The following GABRA3 variants were observed in gnomAD, a reference collection of about 807,000 sequenced individuals.
The protein encoded by GABRA3 is gamma-aminobutyric acid type A receptor subunit alpha3.
GABRA3 carries 10 observed loss-of-function variants against 30.1 expected under a neutral mutation model. The ratio of observed to expected loss-of-function variants is 0.33; its 90% CI spans 0.20 to 0.56. The LOEUF (loss-of-function observed/expected upper bound fraction) is 0.56, where lower values mean the gene tolerates loss of function less well. Among genes scored for constraint, GABRA3 ranks in the 20% least tolerant of loss-of-function variants. The pLI, the probability that GABRA3 is intolerant of heterozygous loss-of-function variation, is 0.89. For synonymous variants in GABRA3, 151 were observed against 146.8 expected, an observed-to-expected ratio of 1.03 and a Z score of -0.21; for missense variants, 233 against 392.0, an observed-to-expected ratio of 0.59 and a Z score of 3.42.
At chrX:152,224,379 G>A (rs1443557524) in intron 6 of GABRA3, among the ~76,000 whole-genome samples, 1 of 111,621 alleles carries the variant, frequency 9.0e-6, no homozygotes, top group Non-Finnish European at 1.9e-5. Flanking sequence ...GGTAGAATAC[G>A]CACTTCAAAA....
intron 5 of GABRA3, among the ~76,000 whole-genome samples, chrX:152,237,469 G>T (rs1222851834): frequency 9.9e-6 from 1 of 100,853 alleles, no homozygotes; most frequent in African/African-American, 3.8e-5. Flanking sequence ...GGATTGACTT[G>T]GCAATGCGGG....
In GABRA3 at chrX:152,224,764, G is replaced by T; in HGVS notation, c.633C>A (p.Ser211Arg). The stretch of plus-strand genomic sequence containing the variant: ...GAGAGAGAGAGAGAAAATACATACA[G>T]CTTCCAAACTTCAGTGGGCAGGCAT... ...DVHACPLKFG[S>R]YAYTTAEVVY... The change falls in exon 6 of 10, where the codon AGC (serine) becomes AGA (arginine). Residue 211 changes from serine to arginine, a missense_variant and splice_region_variant. This residue lies in a region of GABRA3 where 42 missense variants were observed against 116.2 expected (regional missense o/e 0.36). Coordinates refer to ENST00000370314, the MANE Select transcript of GABRA3 (RefSeq NM_000808.4). 1 of 1,174,974 alleles carries T rather than the reference G, an allele frequency of 8.5e-7. No individual in the cohort carries two copies. Among genetic ancestry groups the T allele is most frequent in the Non-Finnish European group, 1.2e-6 (1 of 866,972 alleles).
intron 3 of GABRA3, among the ~76,000 whole-genome samples, chrX:152,302,926 T>C: frequency 8.9e-6 from 1 of 112,043 alleles, no homozygotes; most frequent in Non-Finnish European, 1.9e-5. Flanking sequence ...CTTTTATGAC[T>C]GTGTAGGATT....
intron 1 of GABRA3, chrX:152,392,102 T>C (rs1402271576): frequency 1.4e-5 from 4 of 290,346 alleles, no homozygotes; most frequent in African/African-American, 2.7e-5. Flanking sequence ...GCAGTGAGCA[T>C]TGTGCACATA....
chrX:152,345,569 A>G lies in GABRA3; in HGVS notation c.262+12T>C, dbSNP rs200115285. ...ATCTGAAAAGGACTTCAAAGATCTT[A>G]AAAGGACTGACCTCCAAGCCCAGGT... On this transcript the variant is annotated intron_variant, in intron 3 of 9. Coordinates refer to ENST00000370314, the MANE Select transcript of GABRA3 (RefSeq NM_000808.4). The G allele has an allele frequency of 5.9e-6, 7 of 1,195,673 alleles. No individual in the cohort carries two copies. The highest frequency in any genetic ancestry group is 7.9e-6 in the Non-Finnish European group (7 of 890,635).
rs776598228 is a variant in GABRA3 at position 152,357,351 on chromosome X, T to C, written c.140+7080A>G. Among the ~76,000 whole-genome samples, 5 of 111,984 alleles carry C rather than the reference T, an allele frequency of 4.5e-5. No individual in the cohort carries two copies. In the South Asian group the frequency reaches 1.9e-3, roughly 42 times the overall value. ...ATATGAGATGGTATCTCATTGTGGT[T>C]TTGATTTGCATTTCTCTAATGATCA... On this transcript the variant is annotated intron_variant, in intron 2 of 9. Coordinates refer to ENST00000370314, the MANE Select transcript of GABRA3 (RefSeq NM_000808.4).
At chrX:152,318,770 C>T (rs138548708) in intron 3 of GABRA3, among the ~76,000 whole-genome samples, 65 of 111,561 alleles carry the variant, frequency 5.8e-4, no homozygotes, top group African/African-American at 2.0e-3. Flanking sequence ...TTTATTTATG[C>T]GGGAAGAGCA....
intron 1 of GABRA3, among the ~76,000 whole-genome samples, chrX:152,401,915 C>A (rs1929805739): frequency 9.0e-6 from 1 of 111,677 alleles, no homozygotes; most frequent in Admixed American, 9.5e-5. Flanking sequence ...AGAGCAAAAA[C>A]CATGTAGTTC....
At chrX:152,294,604 A>G (rs145916297) in intron 3 of GABRA3, among the ~76,000 whole-genome samples, 128 of 110,871 alleles carry the variant, frequency 1.2e-3, no homozygotes, top group African/African-American at 4.0e-3. Flanking sequence ...GTTTGTTATT[A>G]CCACCCTTCT....
intron 8 of GABRA3, among the ~76,000 whole-genome samples, chrX:152,192,709 T>C (rs1027223086): frequency 1.8e-5 from 2 of 111,549 alleles, no homozygotes; most frequent in Non-Finnish European, 3.8e-5. Flanking sequence ...TCACATTTCA[T>C]ATATCTGTTT....
chrX:152,380,666 G>A (rs761911949), intron 1 of GABRA3, among the ~76,000 whole-genome samples: 23 of 111,518 alleles, frequency 2.1e-4, no homozygotes, highest in Non-Finnish European at 4.3e-4. Flanking sequence ...GTTTTTTGAG[G>A]AACTTCTGTA....
intron 1 of GABRA3, among the ~76,000 whole-genome samples, chrX:152,368,923 T>C (rs1439156071): frequency 9.0e-6 from 1 of 110,955 alleles, no homozygotes; most frequent in African/African-American, 3.3e-5. Flanking sequence ...GCCAGGATTG[T>C]CTCGATCTCC....
At chrX:152,224,907 T>C in intron 5 of GABRA3, 62 bp from the exon 6 acceptor site, 1 of 794,466 alleles carries the variant, frequency 1.3e-6, no homozygotes, top group East Asian at 3.2e-5. Context: ...AACACAGGGC[T>C]GCATTCCCAC....
chrX:152,192,202 A>G (rs1937333312), intron 8 of GABRA3, among the ~76,000 whole-genome samples: 1 of 112,153 alleles, frequency 8.9e-6, no homozygotes, highest in African/African-American at 3.2e-5. Context: ...CAGAGCTGGT[A>G]GGGCCCTCAA....
intron 3 of GABRA3, among the ~76,000 whole-genome samples, chrX:152,315,360 G>A (rs1042102926): frequency 2.7e-5 from 3 of 111,074 alleles, no homozygotes; most frequent in Non-Finnish European, 3.8e-5. Context: ...GGCTCTCTGA[G>A]TCCTCAGGAA....
rs189261117 is a variant in GABRA3, at chrX:152,385,375, T to C, written c.-26-20779A>G. ...AACAATCTGAAGGTCTATCTTACAA[T>C]AGAATGAATACATTGTGCTGTATTC... On this transcript the variant is annotated intron_variant, in intron 1 of 9. Coordinates refer to ENST00000370314, the MANE Select transcript of GABRA3 (RefSeq NM_000808.4). Among the ~76,000 whole-genome samples the C allele has an allele frequency of 5.2e-3, 587 of 112,081 alleles. 3 individuals are homozygous for C. The highest frequency in any genetic ancestry group is 0.017 in the African/African-American group (535 of 30,889).
intron 8 of GABRA3, among the ~76,000 whole-genome samples, chrX:152,191,242 G>A (rs1937322151): frequency 9.1e-6 from 1 of 110,383 alleles, no homozygotes; most frequent in Admixed American, 9.8e-5. Context: ...TATAATCAAT[G>A]TTAACAACAA....
At chrX:152,231,249 A>G (rs1193641891) in intron 5 of GABRA3, among the ~76,000 whole-genome samples, 1 of 106,859 alleles carries the variant, frequency 9.4e-6, no homozygotes, top group East Asian at 3.0e-4. Context: ...ATGTATACAT[A>G]CACGTATATG....
intron 2 of GABRA3, among the ~76,000 whole-genome samples, chrX:152,354,699 C>A (rs1328279761): frequency 9.0e-6 from 1 of 111,380 alleles, no homozygotes; most frequent in Non-Finnish European, 1.9e-5. Context: ...GAAGCACTTT[C>A]TAACCCCTGG....
Sources: gnomAD v4.1 joint callset for allele counts (sites outside exome capture counted in the v4.1 genomes callset) on GRCh38, gnomAD v4.1.1 for gene constraint, gnomAD v4.1.1 regional missense constraint, MANE v1.5 for transcripts, NCBI Gene and HGNC (gene_info 2026-07-23, HGNC 2026-07-21) for gene names.